HDAC4: variants seen among roughly 807,000 people sequenced by gnomAD.
HDAC4 encodes the protein histone deacetylase A.
A neutral mutation model predicts 135.1 loss-of-function variants in HDAC4; 16 were observed. The ratio of observed to expected loss-of-function variants is 0.12; its 90% CI spans 0.08 to 0.18. The LOEUF is 0.18. HDAC4 is among the 10% of genes least tolerant of loss of function. The pLI, the probability that HDAC4 is intolerant of heterozygous loss-of-function variation, is 1.00. For synonymous variants in HDAC4, 685 were observed against 653.4 expected (o/e 1.05, Z -0.74); for missense variants, 1,143 against 1,511.8 (o/e 0.76, Z 4.05).
At chr2:239,365,585 C>T in intron 1 of HDAC4, among the ~76,000 whole-genome samples, 1 of 147,214 alleles carries the variant, frequency 6.8e-6, no homozygotes, top group South Asian at 2.1e-4. Flanking sequence ...CCAGGGGACA[C>T]ACACACACAC....
intron 8 of HDAC4, among the ~76,000 whole-genome samples, chr2:239,143,448 T>C (rs1354554334): frequency 1.3e-5 from 2 of 152,220 alleles, no homozygotes; most frequent in Non-Finnish European, 1.5e-5. Context: ...CATTTCTTGA[T>C]GGCTGTAGAA....
Position 239,262,633 on chromosome 2 carries a change from AG to A in HDAC4, c.23-25970del, listed in dbSNP as rs1048767394. Among the ~76,000 whole-genome samples, 2 of 152,150 alleles carry A rather than the reference AG, an allele frequency of 1.3e-5. No homozygotes were observed. The highest frequency in any genetic ancestry group is 4.8e-5 in the African/African-American group (2 of 41,440). On this transcript the variant is annotated intron_variant, in intron 2 of 26. Transcript: ENST00000543185. This position sits in a 1 kb window ranked among gnomAD's most constrained non-coding sequence, Gnocchi z 4.1. ...AGCCTGGCTCCATTTTCTGGGCAAG[AG>A]TGTGGGACCAACGAGACCTGGGCTA...
intron 1 of HDAC4, among the ~76,000 whole-genome samples, chr2:239,366,939 A>T (rs1559387626): frequency 6.8e-6 from 1 of 147,682 alleles, no homozygotes; most frequent in Non-Finnish European, 1.5e-5. Flanking sequence ...GCACCCAAGC[A>T]CGCGTAGCTT....
intron 4 of HDAC4, among the ~76,000 whole-genome samples, chr2:239,182,818 A>G (rs1559191065): frequency 6.6e-6 from 1 of 152,162 alleles, no homozygotes; most frequent in Non-Finnish European, 1.5e-5. Flanking sequence ...ACAAGGGAAG[A>G]TGGCCATTTC....
chr2:239,384,195 T>G (rs897093594), intron 1 of HDAC4, among the ~76,000 whole-genome samples: 1 of 152,214 alleles, frequency 6.6e-6, no homozygotes, highest in African/African-American at 2.4e-5. Flanking sequence ...TCCCAGGTCC[T>G]CTGTATCAGC....
chr2:239,109,282 C>G (rs2038450262), intron 14 of HDAC4, among the ~76,000 whole-genome samples: 1 of 152,244 alleles, frequency 6.6e-6, no homozygotes, highest in African/African-American at 2.4e-5. Context: ...TTCATCCAGG[C>G]TGATAAGGGC....
chr2:239,184,230 T>C (rs972049433), intron 4 of HDAC4, among the ~76,000 whole-genome samples: 6 of 152,330 alleles, frequency 3.9e-5, no homozygotes, highest in South Asian at 4.1e-4. Context: ...AGGAGGGCGA[T>C]GTGCAACCTA....
chr2:239,078,410 C>G (rs564883324), intron 22 of HDAC4, among the ~76,000 whole-genome samples: 2 of 152,080 alleles, frequency 1.3e-5, no homozygotes, highest in African/African-American at 4.8e-5. Flanking sequence ...CCCCGGGGGG[C>G]CCCCGTGGGG....
At chr2:239,223,740 G>A (rs137981301) in intron 3 of HDAC4, among the ~76,000 whole-genome samples, 86 of 151,976 alleles carry the variant, frequency 5.7e-4, no homozygotes, top group African/African-American at 2.1e-3. Flanking sequence ...GAGGCTGTGC[G>A]CTCACACTCT....
At position 239,352,329 on chromosome 2, in the gene HDAC4, T is replaced by C. The variant is rs1273720909; in HGVS notation, c.22+349A>G. On this transcript the variant is annotated intron_variant, in intron 2 of 26. Coordinates refer to ENST00000543185, the MANE Select transcript of HDAC4 (RefSeq NM_001378414.1). The surrounding 1 kb of genome is among the most constrained non-coding windows in gnomAD (Gnocchi z 4.4). ...CTCCCACCCCTCACACAACCCCTCATGAAACAACAAAGACACTGGGCAAGA... is the reference window on the plus strand; with the variant it reads ...CTCCCACCCCTCACACAACCCCTCACGAAACAACAAAGACACTGGGCAAGA... Among the ~76,000 whole-genome samples, 1 of 151,592 alleles carries C rather than the reference T, an allele frequency of 6.6e-6. No homozygotes were observed. The highest frequency in any genetic ancestry group is 1.9e-4 in the East Asian group (1 of 5,142).
intron 1 of HDAC4, among the ~76,000 whole-genome samples, chr2:239,394,551 C>T (rs1420046104): frequency 6.6e-6 from 1 of 152,246 alleles, no homozygotes; most frequent in Non-Finnish European, 1.5e-5. Flanking sequence ...AGGCCCTTCT[C>T]CCTCCCATTC....
chr2:239,377,540 G>A (rs1035493012), intron 1 of HDAC4, among the ~76,000 whole-genome samples: 2 of 152,204 alleles, frequency 1.3e-5, no homozygotes, highest in East Asian at 1.9e-4. Flanking sequence ...CCACAATGGA[G>A]GGAGCACGAG....
intron 6 of HDAC4, chr2:239,161,848 C>T (rs949076768): frequency 2.4e-5 from 9 of 381,792 alleles, no homozygotes; most frequent in South Asian, 8.0e-5. Context: ...CCCCATCTCC[C>T]GTCTCTCAGC....
At chr2:239,177,420 C>T (rs1279135590) in intron 4 of HDAC4, among the ~76,000 whole-genome samples, 1 of 152,066 alleles carries the variant, frequency 6.6e-6, no homozygotes, top group Non-Finnish European at 1.5e-5. Context: ...CACATGAAGC[C>T]CTAAAACAGA....
chr2:239,213,517 G>A (rs952297989), intron 3 of HDAC4, among the ~76,000 whole-genome samples: 17 of 152,168 alleles, frequency 1.1e-4, no homozygotes, highest in Admixed American at 2.6e-4. Flanking sequence ...GAATTCACTC[G>A]GGTTCTGGAG....
At chr2:239,133,272 C>T (rs532040497) in intron 11 of HDAC4, among the ~76,000 whole-genome samples, 7 of 152,330 alleles carry the variant, frequency 4.6e-5, no homozygotes, top group South Asian at 2.1e-4. Context: ...CCTAGCCCCA[C>T]GCATCCTGCA....
At chr2:239,159,809 C>T (rs1344016540) in intron 6 of HDAC4, among the ~76,000 whole-genome samples, 1 of 152,258 alleles carries the variant, frequency 6.6e-6, no homozygotes, top group Non-Finnish European at 1.5e-5. Context: ...TCCGATTTTT[C>T]AACCTTTCAT....
intron 1 of HDAC4, among the ~76,000 whole-genome samples, chr2:239,361,440 G>C: frequency 6.6e-6 from 1 of 152,198 alleles, no homozygotes; most frequent in East Asian, 1.9e-4. Context: ...AGCCTGCAGA[G>C]GGCTGCCATG....
chr2:239,227,354 C>G (rs548530484), intron 3 of HDAC4, among the ~76,000 whole-genome samples: 1 of 152,262 alleles, frequency 6.6e-6, no homozygotes, highest in South Asian at 2.1e-4. Context: ...CCTGCCCCAG[C>G]ATGGGGGCAG....
Sources: allele counts gnomAD v4.1 joint callset (sites outside exome capture counted in the v4.1 genomes callset), GRCh38; gene constraint gnomAD v4.1.1; non-coding constraint Gnocchi (gnomAD v3.1); transcripts MANE v1.5; gene names NCBI Gene and HGNC (gene_info 2026-07-23, HGNC 2026-07-21).